The following CLIP2 variants were observed in gnomAD, a reference collection of about 807,000 sequenced individuals.
CLIP2 encodes CAP-Gly domain-containing linker protein 2.
Under a neutral mutation model 111.7 loss-of-function variants are expected in CLIP2, and 41 were observed. That is an observed-to-expected ratio of 0.37 (90% CI 0.29 to 0.48). The LOEUF is 0.48. CLIP2 is among the 20% of genes least tolerant of loss of function. The pLI is 0.99. For synonymous variants in CLIP2, 660 were observed against 644.2 expected, an observed-to-expected ratio of 1.02 and a Z score of -0.37; for missense variants, 1,160 against 1,422.1, an observed-to-expected ratio of 0.82 and a Z score of 2.96.
intron 8 of CLIP2, among the ~76,000 whole-genome samples, chr7:74,366,564 C>A (rs533985411): frequency 6.6e-6 from 1 of 152,212 alleles, no homozygotes; most frequent in Non-Finnish European, 1.5e-5. Context: ...CATATGCTTT[C>A]GCAGTTCTGG....
rs1222200031 is a variant in CLIP2, at chr7:74,397,153, G to C, written c.2800G>C (p.Val934Leu). The C allele has an allele frequency of 1.9e-6, 3 of 1,613,814 alleles. No homozygotes were observed. The highest frequency in any genetic ancestry group is 2.5e-6 in the Non-Finnish European group (3 of 1,179,984). ...GCCGGAGAGGGACCTGAGCCGTGAGGTACACAAGGCTGAGTGGCGGATCAA... is the reference window on the plus strand; with the variant it reads ...GCCGGAGAGGGACCTGAGCCGTGAGCTACACAAGGCTGAGTGGCGGATCAA... ...PGPERDLSRE[V>L]HKAEWRIKEQ... Residue 934 changes from valine (V) to leucine (L), a missense_variant, in exon 14 of 17, where the codon GTA (valine) becomes CTA (leucine). Around this residue, in one of 5 missense-constraint regions of CLIP2, gnomAD observed 676 missense variants for 777.8 expected, o/e 0.87. Transcript: ENST00000223398.
chr7:74,370,155 CAAA>C (rs536133070), intron 8 of CLIP2, among the ~76,000 whole-genome samples: 1 of 32,898 alleles, frequency 3.0e-5, no homozygotes. Context: ...GACTCTGCCT[CAAA>C]AAAAAAAAAA....
chr7:74,351,131 GAA>G (rs1554307459), intron 3 of CLIP2, among the ~76,000 whole-genome samples: 10 of 141,896 alleles, frequency 7.0e-5, no homozygotes, highest in East Asian at 2.0e-4. Flanking sequence ...GAGAGAGAAA[GAA>G]AGAGAGAGAG....
intron 2 of CLIP2, among the ~76,000 whole-genome samples, chr7:74,318,499 G>A (rs1788851303): frequency 1.3e-5 from 2 of 152,108 alleles, no homozygotes; most frequent in Admixed American, 1.3e-4. Context: ...GATCACTTGA[G>A]GTCAGGAGTT....
intron 1 of CLIP2, among the ~76,000 whole-genome samples, chr7:74,307,647 T>C (rs1178668222): frequency 6.6e-6 from 1 of 152,088 alleles, no homozygotes; most frequent in Non-Finnish European, 1.5e-5. Context: ...CCCACCACCA[T>C]GCCTGGCTAA....
intron 11 of CLIP2, among the ~76,000 whole-genome samples, chr7:74,384,218 C>CA (rs1554314426): frequency 1.3e-5 from 2 of 151,862 alleles, no homozygotes; most frequent in African/African-American, 4.8e-5. Flanking sequence ...CAAAACAAAA[C>CA]AAAAAAGAAC....
At chr7:74,363,430 CA>C (rs1176375678) in intron 7 of CLIP2, among the ~76,000 whole-genome samples, 1 of 152,170 alleles carries the variant, frequency 6.6e-6, no homozygotes, top group Admixed American at 6.6e-5. Flanking sequence ...ATTCCACATC[CA>C]GGGGCAGCCC....
chr7:74,400,045 G>T (rs1453208765), intron 14 of CLIP2, among the ~76,000 whole-genome samples: 1 of 151,386 alleles, frequency 6.6e-6, no homozygotes, highest in Non-Finnish European at 1.5e-5. Flanking sequence ...AGCTACTCAG[G>T]AGGCTGAGGC....
chr7:74,382,304 CT>C lies in CLIP2; in HGVS notation c.2479+1459del, dbSNP rs36118816. Among the ~76,000 whole-genome samples, 30 of 71,908 alleles carry C rather than the reference CT, an allele frequency of 4.2e-4. No homozygotes were observed. In the South Asian group the frequency reaches 5.3e-3, roughly 13 times the overall value. The allele number at this position is 71,908 out of a possible 152,430, so 47.2% of individuals were successfully genotyped here. The stretch of plus-strand genomic sequence containing the variant: ...GGGGTTTCTCCATGTTGGGGCTGGT[CT>C]TTTTTTTTTTTTTTTTTAAGACAGA... On this transcript the variant is annotated intron_variant, in intron 11 of 16. Transcript: ENST00000223398.
intron 7 of CLIP2, among the ~76,000 whole-genome samples, chr7:74,363,721 C>A (rs574157464): frequency 6.6e-6 from 1 of 152,182 alleles, no homozygotes; most frequent in African/African-American, 2.4e-5. Flanking sequence ...CCTGTCTCTA[C>A]TAAAACTACA....
Position 74,402,536 on chromosome 7 carries a change from T to C in CLIP2, c.3129+969T>C, listed in dbSNP as rs546334226. ...GTCTCAAAAAATAGTAATAAAAATT[T>C]TAAAAATTAGCTAGGTGTGGTGGCG... On this transcript the variant is annotated intron_variant, in intron 16 of 16. Transcript: ENST00000223398. Among the ~76,000 whole-genome samples, 22 of 151,642 alleles carry C rather than the reference T, an allele frequency of 1.5e-4. No homozygotes were observed. The South Asian group carries it at 4.6e-3, about 32-fold the overall frequency.
chr7:74,300,292 C>A (rs1788295795), intron 1 of CLIP2, among the ~76,000 whole-genome samples: 1 of 151,144 alleles, frequency 6.6e-6, no homozygotes, highest in Non-Finnish European at 1.5e-5. Flanking sequence ...CAGCCTCTTC[C>A]CACCTTTTGT....
intron 3 of CLIP2, among the ~76,000 whole-genome samples, chr7:74,347,291 T>C (rs1562701276): frequency 6.6e-6 from 1 of 152,090 alleles, no homozygotes; most frequent in African/African-American, 2.4e-5. Context: ...CTTTTTAAGA[T>C]GGAGTCTCAC....
At chr7:74,361,176 T>TTTCCTTCCTTCC (rs61684239) in intron 7 of CLIP2, among the ~76,000 whole-genome samples, 1,839 of 62,100 alleles carry the variant, frequency 0.03, 108 homozygotes, top group East Asian at 0.076. Flanking sequence ...CCCTCCCTTC[T>TTTCCTTCCTTCC]TTCCTTCCTT....
intron 8 of CLIP2, among the ~76,000 whole-genome samples, chr7:74,365,123 C>G (rs981568013): frequency 5.3e-5 from 8 of 151,122 alleles, no homozygotes; most frequent in African/African-American, 1.9e-4. Context: ...TCAGCATGTT[C>G]TAATTAAGTT....
At chr7:74,328,549 G>A (rs1220402399) in intron 2 of CLIP2, among the ~76,000 whole-genome samples, 1 of 152,084 alleles carries the variant, frequency 6.6e-6, no homozygotes, top group Non-Finnish European at 1.5e-5. Context: ...AACCAAGGGG[G>A]AACAGAGCCC....
intron 13 of CLIP2, 81 bp from the exon 14 acceptor site, chr7:74,396,993 G>T: frequency 6.5e-7 from 1 of 1,548,530 alleles, no homozygotes; most frequent in South Asian, 1.2e-5. Context: ...TCAGCCCCTG[G>T]ACACTTGGCA....
intron 13 of CLIP2, among the ~76,000 whole-genome samples, chr7:74,396,517 A>T (rs782187466): frequency 6.6e-6 from 1 of 151,938 alleles, no homozygotes; most frequent in Non-Finnish European, 1.5e-5. Flanking sequence ...TTCTTTAAAA[A>T]TTTTATTTAT....
intron 1 of CLIP2, among the ~76,000 whole-genome samples, chr7:74,297,078 C>T (rs1196325312): frequency 6.6e-6 from 1 of 152,194 alleles, no homozygotes; most frequent in Non-Finnish European, 1.5e-5. Context: ...TCTGTGTCCT[C>T]AGTCAGCTTG....
Sources: gnomAD v4.1 joint callset for allele counts (sites outside exome capture counted in the v4.1 genomes callset) on GRCh38, gnomAD v4.1.1 for gene constraint, gnomAD v4.1.1 regional missense constraint, MANE v1.5 for transcripts, NCBI Gene and HGNC (gene_info 2026-07-23, HGNC 2026-07-21) for gene names.